The following DENND4C variants were observed in gnomAD, a reference collection of about 807,000 sequenced individuals.
The protein encoded by DENND4C is DENN domain-containing protein 4C.
In DENND4C, 108 loss-of-function variants were observed where a neutral mutation model predicts 203.0. The ratio of observed to expected loss-of-function variants is 0.53; its 90% CI spans 0.46 to 0.62. The LOEUF is 0.62. DENND4C is among the 20% of genes least tolerant of loss of function. The pLI is 0.00. For missense variants in DENND4C, 2,481 were observed against 2,301.2 expected (o/e 1.08, Z -1.60); for synonymous variants, 871 against 792.4 (o/e 1.10, Z -1.67).
Position 19,370,033 on chromosome 9 carries a change from G to A in DENND4C, c.5675+46G>A, listed in dbSNP as rs776637064. The A allele has an allele frequency of 1.9e-6, 3 of 1,600,864 alleles. No individual in the cohort carries two copies. In the South Asian group the frequency reaches 3.3e-5, roughly 18 times the overall value. On this transcript the variant is annotated intron_variant, in intron 31 of 32. Transcript: ENST00000434457. ...GCTTGCCACCACTCAGTCATTTCAT[G>A]TTTTTAAAAAAATATCTTACTTTTA...
chr9:19,272,839 C>T (rs1244259854), intron 1 of DENND4C, among the ~76,000 whole-genome samples: 2 of 151,958 alleles, frequency 1.3e-5, no homozygotes, highest in African/African-American at 4.8e-5. Context: ...GTGATCTTGG[C>T]TCACTGCAGC....
At chr9:19,292,107 C>T (rs1836455620) in intron 5 of DENND4C, among the ~76,000 whole-genome samples, 1 of 152,082 alleles carries the variant, frequency 6.6e-6, no homozygotes, top group South Asian at 2.1e-4. Flanking sequence ...TCACTGCAAC[C>T]TCCACCTACC....
intron 9 of DENND4C, among the ~76,000 whole-genome samples, chr9:19,304,462 A>ATTCACATT (rs796845605): frequency 2.0e-5 from 3 of 151,126 alleles, no homozygotes; most frequent in Admixed American, 6.6e-5. Flanking sequence ...GGGATTATAG[A>ATTCACATT]TGTGAGCCAC....
chr9:19,325,595 G>T (rs574677656), intron 13 of DENND4C, among the ~76,000 whole-genome samples: 1 of 152,124 alleles, frequency 6.6e-6, no homozygotes, highest in South Asian at 2.1e-4. Flanking sequence ...TGATATTCCA[G>T]TATCTTCCAG....
intron 22 of DENND4C, among the ~76,000 whole-genome samples, chr9:19,344,040 A>T (rs1334433702): frequency 6.6e-6 from 1 of 152,244 alleles, no homozygotes; most frequent in Non-Finnish European, 1.5e-5. Flanking sequence ...GGCTTAAAAG[A>T]ATATCTCTAA....
chr9:19,336,458 G>A, intron 19 of DENND4C, 44 bp downstream of exon 19: 1 of 1,563,288 alleles, frequency 6.4e-7, no homozygotes, highest in Non-Finnish European at 8.6e-7. Flanking sequence ...TGAACCATGA[G>A]CTTTATAGGC....
chr9:19,304,104 A>G (rs1839161716), intron 9 of DENND4C, among the ~76,000 whole-genome samples: 1 of 144,684 alleles, frequency 6.9e-6, no homozygotes, highest in African/African-American at 2.5e-5. Flanking sequence ...GTAAAGGAAA[A>G]TGGGTAAAGA....
intron 10 of DENND4C, among the ~76,000 whole-genome samples, 185 bp downstream of exon 10, chr9:19,305,712 T>A (rs1044798584): frequency 4.6e-5 from 7 of 151,980 alleles, no homozygotes; most frequent in Non-Finnish European, 7.4e-5. Flanking sequence ...GAAAAAAAAA[T>A]GTTCAGTATT....
intron 6 of DENND4C, 70 bp downstream of exon 6, chr9:19,296,316 A>G: frequency 9.2e-7 from 1 of 1,088,796 alleles, no homozygotes. Flanking sequence ...TGTTTGTGTA[A>G]TTTTTAGCAG....
At chr9:19,326,018 A>T in intron 14 of DENND4C, 44 bp downstream of exon 14, 2 of 1,608,714 alleles carry the variant, frequency 1.2e-6, no homozygotes, top group Non-Finnish European at 1.7e-6. Context: ...TCAGAATTAG[A>T]TCTTGTTTGT....
chr9:19,290,101 G>C (rs1227981245), intron 4 of DENND4C, among the ~76,000 whole-genome samples: 2 of 152,122 alleles, frequency 1.3e-5, no homozygotes, highest in Non-Finnish European at 2.9e-5. Flanking sequence ...GACCTTAGAG[G>C]CTAATGAACA....
chr9:19,252,662 C>G (rs146830174), intron 1 of DENND4C, among the ~76,000 whole-genome samples: 34 of 151,878 alleles, frequency 2.2e-4, no homozygotes, highest in African/African-American at 7.5e-4. Context: ...TTCATTGGCT[C>G]ACATATCTTT....
At chr9:19,230,556 G>C (rs1483117555), upstream of DENND4C, 1 of 152,246 alleles carries the variant, frequency 6.6e-6, no homozygotes, top group East Asian at 1.9e-4. Flanking sequence ...GCCGCGGGCA[G>C]CTCCTAGGCG....
rs1166120498 is a variant in DENND4C, at chr9:19,346,234, C to G, written c.3465C>G (p.His1155Gln). Residue 1155 changes from histidine (H) to glutamine (Q), a missense_variant, in exon 23 of 33, where the codon CAC (histidine) becomes CAG (glutamine). Physicochemically the swap from His to Gln is conservative, Grantham distance 24. Coordinates refer to ENST00000434457, the MANE Select transcript of DENND4C (RefSeq NM_001330640.2). The stretch of plus-strand genomic sequence containing the variant: ...ATAGCTTTGAGAATGTTAGCTGTCA[C>G]CTACCTGATAGTAGGACTTGTATGT... ...RTHSFENVSCHLPDSRTCMSE... is the reference protein window; with the variant it reads ...RTHSFENVSCQLPDSRTCMSE... The G allele has an allele frequency of 1.2e-6, 2 of 1,614,088 alleles. No homozygotes were observed. The highest frequency in any genetic ancestry group is 8.5e-7 in the Non-Finnish European group (1 of 1,180,040).
intron 26 of DENND4C, among the ~76,000 whole-genome samples, chr9:19,355,483 C>T (rs1486166246): frequency 6.6e-6 from 1 of 152,132 alleles, no homozygotes; most frequent in Non-Finnish European, 1.5e-5. Context: ...AGAGATCCAG[C>T]TTTCATTTTT....
At chr9:19,302,026 TG>T (rs1040512877) in intron 9 of DENND4C, among the ~76,000 whole-genome samples, 5 of 152,206 alleles carry the variant, frequency 3.3e-5, no homozygotes, top group Non-Finnish European at 1.5e-5. Flanking sequence ...AGTCTTTTGA[TG>T]GATTTCAGTA....
intron 12 of DENND4C, among the ~76,000 whole-genome samples, chr9:19,320,064 G>A (rs1044840317): frequency 5.3e-5 from 8 of 152,062 alleles, no homozygotes; most frequent in South Asian, 2.1e-4. Context: ...GAAATATAAC[G>A]TAAGCCACAT....
At chr9:19,263,254 T>G (rs888913066) in intron 1 of DENND4C, among the ~76,000 whole-genome samples, 4 of 152,260 alleles carry the variant, frequency 2.6e-5, no homozygotes, top group Non-Finnish European at 5.9e-5. Context: ...ATTTGTTTAT[T>G]TGGAACTATC....
chr9:19,251,166 AGGCGGT>A (rs1301770304), intron 1 of DENND4C, among the ~76,000 whole-genome samples: 2 of 152,210 alleles, frequency 1.3e-5, no homozygotes, highest in African/African-American at 4.8e-5. Flanking sequence ...TCTGAAATCT[AGGCGGT>A]GGTTCGCAAA....
Sources: allele counts gnomAD v4.1 joint callset (sites outside exome capture counted in the v4.1 genomes callset), GRCh38; gene constraint gnomAD v4.1.1; transcripts MANE v1.5; gene names NCBI Gene and HGNC (gene_info 2026-07-23, HGNC 2026-07-21).